RANBP3L: variants seen among roughly 807,000 people sequenced by gnomAD.
RANBP3L encodes the protein ran-binding protein 3-like.
Under a neutral mutation model 67.2 loss-of-function variants are expected in RANBP3L, and 56 were observed. The observed-to-expected ratio is 0.83, with a 90% CI of 0.67 to 1.04. RANBP3L has a LOEUF of 1.04. Ranked by LOEUF, RANBP3L falls within the 50% of genes least tolerant of loss-of-function variation. The probability of loss-of-function intolerance (pLI) is 0.00; values close to 1 mark genes in which losing one functional copy is unlikely to be tolerated. For missense variants in RANBP3L, 496 were observed against 535.5 expected, an observed-to-expected ratio of 0.93 and a Z score of 0.73; for synonymous variants, 164 against 181.4, an observed-to-expected ratio of 0.90 and a Z score of 0.77.
intron 12 of RANBP3L, among the ~76,000 whole-genome samples, chr5:36,251,710 T>C (rs1748607969): frequency 6.6e-6 from 1 of 152,164 alleles, no homozygotes; most frequent in Admixed American, 6.6e-5. Flanking sequence ...GCAATCCCAA[T>C]GTACACATTT....
chr5:36,260,811 A>G lies in RANBP3L; in HGVS notation c.638T>C (p.Val213Ala). Residue 213 changes from valine (V) to alanine (A), a missense_variant, in exon 8 of 14, where the codon GTT (valine) becomes GCT (alanine). Transcript: ENST00000296604. ...TCTTTCTACCATGTTTTCTCCAAAA[A>G]CAAAATTGGAACTGCAGCTTTTAAA... ...CSFKSCSSNFVFGENMVERVL... is the reference protein window; with the variant it reads ...CSFKSCSSNFAFGENMVERVL... 1 of 1,564,196 alleles carries G rather than the reference A, an allele frequency of 6.4e-7. No homozygotes were observed. The highest frequency in any genetic ancestry group is 8.8e-7 in the Non-Finnish European group (1 of 1,139,786).
At chr5:36,273,552 A>T (rs1750373183) in intron 1 of RANBP3L, among the ~76,000 whole-genome samples, 1 of 152,146 alleles carries the variant, frequency 6.6e-6, no homozygotes, top group Non-Finnish European at 1.5e-5. Context: ...GTTAGCAAAG[A>T]GATAACCTTC....
At chr5:36,262,455 G>A (rs1383899021) in intron 6 of RANBP3L, among the ~76,000 whole-genome samples, 8 of 152,110 alleles carry the variant, frequency 5.3e-5, no homozygotes, top group Admixed American at 5.2e-4. Flanking sequence ...CACCATCCTA[G>A]TCACCCAATG....
At chr5:36,260,719 C>A (rs372163109) in intron 8 of RANBP3L, 61 bp downstream of exon 8, 173 of 687,922 alleles carry the variant, frequency 2.5e-4, no homozygotes, top group African/African-American at 2.4e-3. Context: ...ATTAATTTAC[C>A]TTTAGAAATT....
At chr5:36,294,623 A>C (rs1012157832) in intron 1 of RANBP3L, among the ~76,000 whole-genome samples, 1 of 151,900 alleles carries the variant, frequency 6.6e-6, no homozygotes, top group African/African-American at 2.4e-5. Flanking sequence ...GTTGGTTTCA[A>C]AGAACATTTT....
At chr5:36,284,617 C>T (rs1399401630) in intron 1 of RANBP3L, among the ~76,000 whole-genome samples, 1 of 152,178 alleles carries the variant, frequency 6.6e-6, no homozygotes, top group East Asian at 1.9e-4. Context: ...CCAAACTGCT[C>T]TCCAAGGCTG....
intron 1 of RANBP3L, among the ~76,000 whole-genome samples, chr5:36,295,707 C>A (rs1370795970): frequency 7.0e-6 from 1 of 142,070 alleles, no homozygotes; most frequent in Non-Finnish European, 1.5e-5. Context: ...TAGTAGCCAT[C>A]CTAATATTTG....
intron 1 of RANBP3L, among the ~76,000 whole-genome samples, chr5:36,290,264 C>T (rs551931326): frequency 6.7e-6 from 1 of 148,870 alleles, no homozygotes; most frequent in African/African-American, 2.5e-5. Context: ...ATTGCACAGG[C>T]TGGAGTGCAG....
At chr5:36,288,850 T>C (rs1751509482) in intron 1 of RANBP3L, among the ~76,000 whole-genome samples, 1 of 152,142 alleles carries the variant, frequency 6.6e-6, no homozygotes, top group African/African-American at 2.4e-5. Flanking sequence ...TAACATATTC[T>C]GATTGAAAGT....
chr5:36,254,188 A>G (rs1748801706), intron 11 of RANBP3L, among the ~76,000 whole-genome samples: 1 of 133,124 alleles, frequency 7.5e-6, no homozygotes, highest in African/African-American at 2.7e-5. Flanking sequence ...CCCATTAAGA[A>G]TACTGCAAAA....
intron 8 of RANBP3L, among the ~76,000 whole-genome samples, chr5:36,259,582 TAA>T (rs201276304): frequency 1.8e-4 from 25 of 140,154 alleles, no homozygotes; most frequent in East Asian, 1.0e-3. Flanking sequence ...GACCTCATCT[TAA>T]AAAAAAAAAA....
At chr5:36,251,771 G>T (rs985025944) in intron 12 of RANBP3L, among the ~76,000 whole-genome samples, 1 of 151,998 alleles carries the variant, frequency 6.6e-6, no homozygotes, top group African/African-American at 2.4e-5. Context: ...TTGAATTTTT[G>T]AATTTAAATT....
At chr5:36,294,863 A>G (rs1207645146) in intron 1 of RANBP3L, among the ~76,000 whole-genome samples, 4 of 146,128 alleles carry the variant, frequency 2.7e-5, no homozygotes, top group African/African-American at 5.0e-5. Flanking sequence ...ATATACTCAT[A>G]CATATATAGT....
At position 36,301,655 on chromosome 5, in the gene RANBP3L, A is replaced by C; in HGVS notation, c.-239T>G. The C allele has an allele frequency of 2.3e-6, 1 of 432,484 alleles. No homozygotes were observed. The allele number at this position is 432,484 out of a possible 1,614,324, so 26.8% of individuals were successfully genotyped here. On this transcript the variant is annotated 5_prime_UTR_variant, in exon 1 of 14. Transcript: ENST00000296604. ...ATAAAGATGCCAATTCATTTGGTTA[A>C]AAACACAACTTAATTCCTTCATTTC...
At chr5:36,296,392 C>T (rs1470041455) in intron 1 of RANBP3L, among the ~76,000 whole-genome samples, 1 of 152,064 alleles carries the variant, frequency 6.6e-6, no homozygotes, top group East Asian at 1.9e-4. Context: ...AATTGTACGA[C>T]ACTCAGAGAA....
intron 1 of RANBP3L, among the ~76,000 whole-genome samples, chr5:36,289,900 A>G (rs1751592831): frequency 6.6e-6 from 1 of 151,942 alleles, no homozygotes; most frequent in Admixed American, 6.6e-5. Flanking sequence ...TACACTGGCT[A>G]GGATCTCCAG....
intron 1 of RANBP3L, among the ~76,000 whole-genome samples, chr5:36,286,531 A>G (rs747638759): frequency 1.3e-5 from 2 of 152,196 alleles, no homozygotes; most frequent in Non-Finnish European, 2.9e-5. Context: ...CATTTCTCTG[A>G]GAACTTGTTA....
At position 36,301,531 on chromosome 5, in the gene RANBP3L, G is replaced by T. The variant is rs575401366; in HGVS notation, c.-115C>A. 5.7e-6 allele frequency: 4 copies of T among 703,346 alleles called. No individual in the cohort carries two copies. The East Asian group carries it at 1.0e-4, about 18-fold the overall frequency. The allele number at this position is 703,346 out of a possible 1,614,324, so 43.6% of individuals were successfully genotyped here. Reference sequence around the variant, plus strand: ...AAATACATAGATTCATGCAGATCTTGTCTTTGCATGTACAACATATACTCC... The same window carrying T: ...AAATACATAGATTCATGCAGATCTTTTCTTTGCATGTACAACATATACTCC... On this transcript the variant is annotated 5_prime_UTR_variant, in exon 1 of 14. Transcript: ENST00000296604.
intron 7 of RANBP3L, 47 bp from the exon 8 acceptor site, chr5:36,260,911 G>A: frequency 3.8e-6 from 3 of 796,476 alleles, no homozygotes; most frequent in Non-Finnish European, 6.2e-6. Flanking sequence ...CATAGATAAA[G>A]CCATTTTAAA....
Sources: gnomAD v4.1 joint callset for allele counts (sites outside exome capture counted in the v4.1 genomes callset) on GRCh38, gnomAD v4.1.1 for gene constraint, MANE v1.5 for transcripts, NCBI Gene and HGNC (gene_info 2026-07-23, HGNC 2026-07-21) for gene names.